FAM184A: variants seen among roughly 807,000 people sequenced by gnomAD.
FAM184A encodes the protein protein FAM184A.
A neutral mutation model predicts 143.8 loss-of-function variants in FAM184A; 99 were observed. The observed-to-expected ratio is 0.69, with a 90% CI of 0.58 to 0.81. FAM184A has a LOEUF of 0.81. Among genes scored for constraint, FAM184A ranks in the 40% least tolerant of loss-of-function variants. The probability of loss-of-function intolerance (pLI) is 0.00; values close to 1 mark genes in which losing one functional copy is unlikely to be tolerated. For missense variants in FAM184A, 1,217 were observed against 1,310.5 expected (o/e 0.93, Z 1.10); for synonymous variants, 427 against 446.4 (o/e 0.96, Z 0.55).
At position 119,113,527 on chromosome 6, in the gene FAM184A, C is replaced by T. The variant is rs917180917; in HGVS notation, c.-202+35551G>A. On this transcript the variant is annotated intron_variant, in intron 1 of 16. Transcript: ENST00000352896. ...ATACCATACAACTATAGTTCTCAGT[C>T]CCCCCTTATCTGTGGTTTTGCTTTC... Among the ~76,000 whole-genome samples the T allele has an allele frequency of 3.3e-5, 5 of 152,148 alleles. No homozygotes were observed. In the South Asian group the frequency reaches 8.3e-4, roughly 25 times the overall value.
At chr6:119,086,749 T>C (rs1195487956) in intron 1 of FAM184A, among the ~76,000 whole-genome samples, 1 of 152,184 alleles carries the variant, frequency 6.6e-6, no homozygotes, top group African/African-American at 2.4e-5. Flanking sequence ...AGCAGGAACA[T>C]GAAATAATCG....
intron 1 of FAM184A, among the ~76,000 whole-genome samples, chr6:119,098,970 T>A (rs1469880600): frequency 6.6e-6 from 1 of 152,062 alleles, no homozygotes; most frequent in African/African-American, 2.4e-5. Flanking sequence ...TTAGTTGGGA[T>A]GTGGTGGCGC....
chr6:118,995,721 C>T (rs1562465781), intron 9 of FAM184A, among the ~76,000 whole-genome samples: 1 of 152,104 alleles, frequency 6.6e-6, no homozygotes, highest in South Asian at 2.1e-4. Context: ...CTCAGAGACT[C>T]GGTCTAACAT....
intron 1 of FAM184A, among the ~76,000 whole-genome samples, chr6:119,146,981 G>A (rs1218080371): frequency 6.6e-6 from 1 of 151,548 alleles, no homozygotes; most frequent in African/African-American, 2.4e-5. Flanking sequence ...AAAAACAAAT[G>A]TAGTTTATTA....
At chr6:118,978,761 T>C (rs998726879) in intron 11 of FAM184A, among the ~76,000 whole-genome samples, 5 of 151,372 alleles carry the variant, frequency 3.3e-5, no homozygotes, top group African/African-American at 4.9e-5. Flanking sequence ...TTAGCATAAT[T>C]TGGAATAAAG....
At chr6:119,122,752 G>C (rs912572084) in intron 1 of FAM184A, among the ~76,000 whole-genome samples, 2 of 150,722 alleles carry the variant, frequency 1.3e-5, no homozygotes, top group Admixed American at 1.3e-4. Context: ...CAAAACCCTG[G>C]CTCTACAAAA....
At chr6:118,970,006 A>ATTTTTTTTTTTTT (rs1242296300) in intron 14 of FAM184A, among the ~76,000 whole-genome samples, 1 of 20,490 alleles carries the variant, frequency 4.9e-5, no homozygotes, top group Non-Finnish European at 9.7e-5. Context: ...ATATATATAT[A>ATTTTTTTTTTTTT]TATTTTTTTT....
intron 14 of FAM184A, among the ~76,000 whole-genome samples, chr6:118,972,823 CTCTG>C (rs975288340): frequency 5.3e-5 from 8 of 152,150 alleles, no homozygotes; most frequent in African/African-American, 1.9e-4. Flanking sequence ...AGATTTCAGT[CTCTG>C]TCTGAGGAGT....
intron 1 of FAM184A, among the ~76,000 whole-genome samples, chr6:119,073,529 AC>A (rs1787766539): frequency 6.6e-6 from 1 of 152,178 alleles, no homozygotes; most frequent in African/African-American, 2.4e-5. Flanking sequence ...GAGATGTGTT[AC>A]TTTCCACCCC....
chr6:119,122,924 GAAAAAAAAAAAAAAAAAAAA>G (rs766414096), intron 1 of FAM184A, among the ~76,000 whole-genome samples: 14 of 29,030 alleles, frequency 4.8e-4, no homozygotes, highest in Admixed American at 1.8e-3. Flanking sequence ...GACCCTGTCT[GAAAAAAAAAAAAAAAAAAAA>G]AAAAAAAAAA....
At chr6:119,100,488 C>T (rs1788611112) in intron 1 of FAM184A, among the ~76,000 whole-genome samples, 2 of 152,238 alleles carry the variant, frequency 1.3e-5, no homozygotes, top group Admixed American at 1.3e-4. Context: ...CAGAGGGATG[C>T]TTAAGGTGAA....
At chr6:119,121,289 AC>A (rs964659317) in intron 1 of FAM184A, among the ~76,000 whole-genome samples, 3 of 151,908 alleles carry the variant, frequency 2.0e-5, no homozygotes, top group Admixed American at 1.3e-4. Flanking sequence ...ATGTCATCAT[AC>A]CTGGCTAATT....
At chr6:119,109,096 G>A (rs1242901413) in intron 1 of FAM184A, among the ~76,000 whole-genome samples, 4 of 143,344 alleles carry the variant, frequency 2.8e-5, no homozygotes, top group African/African-American at 1.1e-4. Context: ...TCTCCTCCAT[G>A]AAACCCTTTC....
chr6:119,008,571 CAT>C (rs1421749137), intron 6 of FAM184A, among the ~76,000 whole-genome samples: 1 of 152,070 alleles, frequency 6.6e-6, no homozygotes, highest in African/African-American at 2.4e-5. Flanking sequence ...TTTACAGTCA[CAT>C]GAGTCAATAA....
At chr6:119,123,748 T>C (rs1789286938) in intron 1 of FAM184A, among the ~76,000 whole-genome samples, 1 of 152,234 alleles carries the variant, frequency 6.6e-6, no homozygotes, top group Non-Finnish European at 1.5e-5. Context: ...TGTTGACAAG[T>C]TGATTGCTGT....
chr6:119,104,538 G>A (rs1788726987), intron 1 of FAM184A, among the ~76,000 whole-genome samples: 1 of 152,120 alleles, frequency 6.6e-6, no homozygotes. Context: ...GTGGTATCAC[G>A]CAAATAGTAT....
chr6:118,960,869 C>T (rs771113112), intron 17 of FAM184A: 72 of 1,337,236 alleles, frequency 5.4e-5, no homozygotes, highest in Non-Finnish European at 6.9e-5. Context: ...GATACCTGAA[C>T]ATACCCATGC....
At chr6:118,991,309 T>C (rs991210903) in intron 9 of FAM184A, among the ~76,000 whole-genome samples, 11 of 151,806 alleles carry the variant, frequency 7.2e-5, no homozygotes, top group Non-Finnish European at 1.3e-4. Context: ...ATTACAGGTG[T>C]GTGCCACCAT....
Position 118,980,288 on chromosome 6 carries a change from T to C in FAM184A, c.2151A>G (p.Gln717=). The change falls in exon 10 of 18, where the codon CAA becomes CAG. Residue 717 remains glutamine (Q), a synonymous_variant. Coordinates refer to ENST00000338891, the MANE Select transcript of FAM184A (RefSeq NM_024581.6). ...QLSQSQTSLQ[Q]LQAQFTQERQ... is the part of the protein sequence containing the mutation. ...GTTCTTGCGTAAACTGGGCTTGCAGTTGTTGCAAAGAAGTCTGAGACTGGG... is the reference window on the plus strand; with the variant it reads ...GTTCTTGCGTAAACTGGGCTTGCAGCTGTTGCAAAGAAGTCTGAGACTGGG... The C allele has an allele frequency of 6.2e-7, 1 of 1,614,134 alleles. No homozygotes were observed. Among genetic ancestry groups the C allele is most frequent in the Non-Finnish European group, 8.5e-7 (1 of 1,180,012 alleles).
Sources: gnomAD v4.1 joint callset for allele counts (sites outside exome capture counted in the v4.1 genomes callset) on GRCh38, gnomAD v4.1.1 for gene constraint, MANE v1.5 for transcripts, NCBI Gene and HGNC (gene_info 2026-07-23, HGNC 2026-07-21) for gene names.